AQP7: variants seen among roughly 807,000 people sequenced by gnomAD.
The protein encoded by AQP7 is aquaporin-7.
AQP7 carries 22 observed loss-of-function variants against 26.1 expected under a neutral mutation model. The observed-to-expected ratio is 0.84, with a 90% confidence interval of 0.60 to 1.20. The LOEUF is 1.20. AQP7 is among the 50% of genes most tolerant of loss of function. The pLI is 0.00. For missense variants in AQP7, 412 were observed against 457.5 expected (o/e 0.90, Z 0.91); for synonymous variants, 167 against 181.7 (o/e 0.92, Z 0.65).
chr9:33,402,004 C>T (rs1473251481), intron 1 of AQP7: 1 of 152,512 alleles, frequency 6.6e-6, no homozygotes, highest in African/African-American at 2.4e-5. Flanking sequence ...GACCCGTCTC[C>T]TGCCTGCACG....
Position 33,395,200 on chromosome 9 carries a change from G to T in AQP7, c.27-5C>A. 3 of 1,607,350 alleles carry T rather than the reference G, an allele frequency of 1.9e-6. No homozygotes were observed. Among genetic ancestry groups the T allele is most frequent in the Non-Finnish European group, 2.6e-6 (3 of 1,173,966 alleles). ...ATTTTGGAGCCACGGGTGGACCTAA[G>T]ACAGTGGCCCGAGCCCATGGACAGA... On this transcript the variant is annotated splice_polypyrimidine_tract_variant and splice_region_variant and intron_variant, in intron 2 of 7. Transcript: ENST00000297988.
Position 33,387,009 on chromosome 9 carries a change from G to C in AQP7, c.228C>G (p.Phe76Leu), listed in dbSNP as rs146743129. Residue 76 changes from phenylalanine to leucine, a missense_variant, in exon 4 of 8, where the codon TTC (phenylalanine) becomes TTG (leucine). By Grantham distance (22) the Phe-to-Leu change is conservative (BLOSUM62 0). Coordinates refer to ENST00000297988, the MANE Select transcript of AQP7 (RefSeq NM_001170.3). ...CCACGTGCACTCCCATGGTGACTCC[G>C]AAGCCAAAACCCAAGTTGACACCAA... ...SYLGVNLGFG[F>L]GVTMGVHVAG... The C allele has an allele frequency of 1.7e-5, 28 of 1,611,820 alleles. No individual in the cohort carries two copies. Among genetic ancestry groups the C allele is most frequent in the Non-Finnish European group, 2.4e-5 (28 of 1,179,812 alleles).
At chr9:33,394,463 G>C (rs1368527408) in intron 3 of AQP7, among the ~76,000 whole-genome samples, 6 of 144,804 alleles carry the variant, frequency 4.1e-5, no homozygotes, top group Admixed American at 1.4e-4. Flanking sequence ...CGATCATCAA[G>C]TTTCTCTTCA....
intron 2 of AQP7, among the ~76,000 whole-genome samples, chr9:33,399,653 G>T (rs1403975731): frequency 6.6e-6 from 1 of 151,982 alleles, no homozygotes; most frequent in Non-Finnish European, 1.5e-5. Flanking sequence ...CAAGCACCAG[G>T]GATACAAAGT....
Position 33,387,209 on chromosome 9 carries a change from C to G in AQP7, c.145-117G>C, listed in dbSNP as rs62542748. ...GCCCTGGGCCTCCCTGGCATTGCCTCGAAGACCCGCTGCCACGCCCTCTTC... is the reference window on the plus strand; with the variant it reads ...GCCCTGGGCCTCCCTGGCATTGCCTGGAAGACCCGCTGCCACGCCCTCTTC... On this transcript the variant is annotated intron_variant, in intron 3 of 7. Coordinates refer to ENST00000297988, the MANE Select transcript of AQP7 (RefSeq NM_001170.3). The G allele has an allele frequency of 8.0e-6, 10 of 1,244,106 alleles. No individual in the cohort carries two copies. The South Asian group carries it at 1.3e-4, about 16-fold the overall frequency. 77.1% of individuals were successfully genotyped at this position (1,244,106 alleles called of 1,614,324 possible). A position where few individuals can be genotyped will look rare whatever the true frequency, so the allele number is the denominator to read the frequency against.
At position 33,400,337 on chromosome 9, in the gene AQP7, G is replaced by A. The variant is rs77795698; in HGVS notation, c.26+900C>T. 7.4e-4 allele frequency among the ~76,000 whole-genome samples: 112 copies of A among 152,232 alleles called. 2 individuals are homozygous for A. In the East Asian group the frequency reaches 0.019, roughly 26 times the overall value. ...TGGAGATGGGGTGTGATTTCAAATA[G>A]GGCAGCCAGAGTAATCCTTGTTGAG... On this transcript the variant is annotated intron_variant, in intron 2 of 7. Coordinates refer to ENST00000297988, the MANE Select transcript of AQP7 (RefSeq NM_001170.3).
intron 3 of AQP7, among the ~76,000 whole-genome samples, chr9:33,387,724 G>C (rs657095): frequency 0.27 from 40,106 of 150,248 alleles, 6,055 homozygotes; most frequent in East Asian, 0.5. Flanking sequence ...AGGCCCATTA[G>C]CCTCAGTCCA....
rs559393989 is a variant in AQP7, at chr9:33,385,704, C to T, written c.688G>A (p.Asp230Asn). 3 of 1,613,934 alleles carry T rather than the reference C, an allele frequency of 1.9e-6. No individual in the cohort carries two copies. The highest frequency in any genetic ancestry group is 2.2e-5 in the South Asian group (2 of 91,072). Reference sequence around the variant, plus strand: ...AAGGTGAAGATGCGGGGGGGCAGGTCCCGGGACGGGTTGATGGCATATCCT... The same window carrying T: ...AAGGTGAAGATGCGGGGGGGCAGGTTCCGGGACGGGTTGATGGCATATCCT... ...NTGYAINPSR[D>N]LPPRIFTFIA... Residue 230 changes from aspartate (D) to asparagine (N), a missense_variant, in exon 7 of 8, where the codon GAC becomes AAC. Coordinates refer to ENST00000297988, the MANE Select transcript of AQP7 (RefSeq NM_001170.3).
intron 3 of AQP7, among the ~76,000 whole-genome samples, chr9:33,390,687 G>T (rs566897049): frequency 1.3e-5 from 2 of 152,160 alleles, no homozygotes; most frequent in African/African-American, 4.8e-5. Flanking sequence ...GTGCAGGGGG[G>T]AGTGAGGCCA....
At position 33,386,481 on chromosome 9, in the gene AQP7, C is replaced by T; in HGVS notation, c.329G>A (p.Arg110Lys). The stretch of plus-strand genomic sequence containing the variant: ...CCCCAGCACATAGACCGGAAACTTC[C>T]TCCAGGGCACGCGGCCCAGCGCACA... The part of the protein sequence containing the change: ...ANCALGRVPW[R>K]KFPVYVLGQF... Residue 110 changes from arginine (R) to lysine (K), a missense_variant, in exon 5 of 8, where the codon AGG becomes AAG. Arg to Lys is a conservative substitution (Grantham distance 26). Transcript: ENST00000297988. 1 of 1,612,494 alleles carries T rather than the reference C, an allele frequency of 6.2e-7. No homozygotes were observed. Among genetic ancestry groups the T allele is most frequent in the South Asian group, 1.1e-5 (1 of 90,638 alleles).
At chr9:33,402,160 G>T (rs1054326291) in intron 1 of AQP7, among the ~76,000 whole-genome samples, 7 of 152,140 alleles carry the variant, frequency 4.6e-5, no homozygotes, top group Non-Finnish European at 1.0e-4. Context: ...TAAGGAAACT[G>T]AGGCCCAGAG....
chr9:33,400,545 G>T (rs1459710016), intron 2 of AQP7, among the ~76,000 whole-genome samples: 1 of 152,140 alleles, frequency 6.6e-6, no homozygotes, highest in East Asian at 1.9e-4. Context: ...CTTTTGGGAG[G>T]CCAAGGCGGG....
chr9:33,402,092 C>T (rs1217621907), intron 1 of AQP7, among the ~76,000 whole-genome samples: 1 of 152,158 alleles, frequency 6.6e-6, no homozygotes. Context: ...CAGCCCAGCT[C>T]AGTGCATCCC....
At chr9:33,392,186 C>A (rs560796004) in intron 3 of AQP7, among the ~76,000 whole-genome samples, 20 of 152,084 alleles carry the variant, frequency 1.3e-4, no homozygotes, top group African/African-American at 4.3e-4. Flanking sequence ...TGGTGGCATG[C>A]ACCTGTAATT....
chr9:33,394,599 G>A (rs1014878536), intron 3 of AQP7, among the ~76,000 whole-genome samples: 24 of 150,940 alleles, frequency 1.6e-4, no homozygotes, highest in African/African-American at 5.1e-4. Flanking sequence ...CTGGGCTCAA[G>A]TGATTCTCCT....
intron 2 of AQP7, among the ~76,000 whole-genome samples, chr9:33,395,770 T>G (rs1825804360): frequency 6.6e-6 from 1 of 152,174 alleles, no homozygotes; most frequent in South Asian, 2.1e-4. Context: ...CACCAGGCTG[T>G]GCAACCAGGT....
chr9:33,401,435 A>G, intron 1 of AQP7, 148 bp from the exon 2 acceptor site: 1 of 674,716 alleles, frequency 1.5e-6, no homozygotes, highest in Non-Finnish European at 2.6e-6. Context: ...GGGAGGGAGG[A>G]GCGGTGCTCA....
At position 33,385,297 on chromosome 9, in the gene AQP7, G is replaced by T. The variant is rs765046155; in HGVS notation, c.744-7C>A. 6 of 1,606,374 alleles carry T rather than the reference G, an allele frequency of 3.7e-6. No individual in the cohort carries two copies. Among genetic ancestry groups the T allele is most frequent in the Non-Finnish European group, 5.1e-6 (6 of 1,176,838 alleles). ...CCACCAGTTCTCCCCATTGCTGCAGGCAAGAGGCAGAGGCCTGCTGAGGGG... is the reference window on the plus strand; with the variant it reads ...CCACCAGTTCTCCCCATTGCTGCAGTCAAGAGGCAGAGGCCTGCTGAGGGG... On this transcript the variant is annotated splice_region_variant and splice_polypyrimidine_tract_variant and intron_variant, in intron 7 of 7. Transcript: ENST00000297988.
In AQP7 at chr9:33,386,949, C is replaced by T. The variant is rs139027280; in HGVS notation, c.268+20G>A. 1 of 1,611,434 alleles carries T rather than the reference C, an allele frequency of 6.2e-7. No individual in the cohort carries two copies. The highest frequency in any genetic ancestry group is 8.5e-7 in the Non-Finnish European group (1 of 1,179,492). ...GGACACCTGGTCTTGCCCGGTCCGG[C>T]AGGGCCTGGGCTCACTCACCAGAGA... On this transcript the variant is annotated intron_variant, in intron 4 of 7. Coordinates refer to ENST00000297988, the MANE Select transcript of AQP7 (RefSeq NM_001170.3).
Sources: allele counts gnomAD v4.1 joint callset (sites outside exome capture counted in the v4.1 genomes callset), GRCh38; gene constraint gnomAD v4.1.1; transcripts MANE v1.5; gene names NCBI Gene and HGNC (gene_info 2026-07-23, HGNC 2026-07-21).